Variants in MGAT4C observed in about 807,000 individuals in gnomAD.
MGAT4C encodes the protein alpha-1,3-mannosyl-glycoprotein 4-beta-N-acetylglucosaminyltransferase C.
A neutral mutation model predicts 40.1 loss-of-function variants in MGAT4C; 19 were observed. That is an observed-to-expected ratio of 0.47 (90% CI 0.33 to 0.70). The LOEUF (loss-of-function observed/expected upper bound fraction) is 0.70. Among genes scored for constraint, MGAT4C ranks in the 30% least tolerant of loss-of-function variants. The pLI, the probability that MGAT4C is intolerant of heterozygous loss-of-function variation, is 0.02. For synonymous variants in MGAT4C, 181 were observed against 187.1 expected (o/e 0.97, Z 0.27); for missense variants, 491 against 563.2 (o/e 0.87, Z 1.30).
intron 2 of MGAT4C, among the ~76,000 whole-genome samples, chr12:86,650,233 A>G (rs1593079425): frequency 6.6e-6 from 1 of 151,938 alleles, no homozygotes; most frequent in African/African-American, 2.4e-5. Flanking sequence ...TACAACAAAG[A>G]GTTACATCAG....
chr12:86,702,449 G>A (rs547579103), intron 2 of MGAT4C, among the ~76,000 whole-genome samples: 2 of 152,246 alleles, frequency 1.3e-5, no homozygotes, highest in African/African-American at 4.8e-5. Flanking sequence ...AAGCTTCAAA[G>A]GACAGGCTGG....
chr12:86,724,859 C>G (rs960431018), intron 2 of MGAT4C, among the ~76,000 whole-genome samples: 34 of 152,178 alleles, frequency 2.2e-4, no homozygotes, highest in African/African-American at 8.0e-4. Flanking sequence ...AACCACCATT[C>G]TACTCTGTAC....
rs979411321 is a variant in MGAT4C at position 85,972,707 on chromosome 12, A to ATGAT, written c.*6578_*6581dup. 1 of 151,056 alleles carries ATGAT rather than the reference A, an allele frequency of 6.6e-6. No homozygotes were observed. Among genetic ancestry groups the ATGAT allele is most frequent in the African/African-American group, 2.4e-5 (1 of 41,316 alleles). The allele number at this position is 151,056 out of a possible 1,614,324, so 9.4% of individuals were successfully genotyped here. On this transcript the variant is annotated 3_prime_UTR_variant, in exon 5 of 5. Coordinates refer to ENST00000611864, the MANE Select transcript of MGAT4C (RefSeq NM_001351288.2). ...GGATTACATTAAAGGATGGACAATT[A>ATGAT]TGATAAAGGATCTGAGATAATTGGA...
At chr12:86,070,134 T>C (rs1199723767) in intron 1 of MGAT4C, among the ~76,000 whole-genome samples, 1 of 151,796 alleles carries the variant, frequency 6.6e-6, no homozygotes, top group African/African-American at 2.4e-5. Flanking sequence ...TCCTAAATAT[T>C]CCCATGGTTC....
chr12:86,426,319 T>A (rs1484118239), intron 3 of MGAT4C, among the ~76,000 whole-genome samples: 1 of 152,218 alleles, frequency 6.6e-6, no homozygotes, highest in African/African-American at 2.4e-5. Context: ...TTTTCTGCAT[T>A]ATTACTAGAT....
intron 1 of MGAT4C, among the ~76,000 whole-genome samples, chr12:86,214,932 A>G (rs1950609354): frequency 6.6e-6 from 1 of 152,216 alleles, no homozygotes; most frequent in Non-Finnish European, 1.5e-5. Context: ...CTAAAGTTAC[A>G]TTGCATCATA....
intron 2 of MGAT4C, among the ~76,000 whole-genome samples, chr12:86,476,305 C>G (rs1239610204): frequency 6.6e-6 from 1 of 151,998 alleles, no homozygotes; most frequent in African/African-American, 2.4e-5. Context: ...GAAAAGAAGA[C>G]ATACAAGTGG....
intron 1 of MGAT4C, among the ~76,000 whole-genome samples, chr12:86,234,056 T>C (rs1047882793): frequency 2.0e-5 from 3 of 152,158 alleles, no homozygotes; most frequent in Admixed American, 6.5e-5. Flanking sequence ...GCTATCATAG[T>C]AGCAATAGTA....
At position 86,798,331 on chromosome 12, in the gene MGAT4C, G is replaced by C. The variant is rs150523363; in HGVS notation, c.-262+40335C>G. Among the ~76,000 whole-genome samples the C allele has an allele frequency of 2.2e-3, 335 of 151,942 alleles. 5 individuals are homozygous for C. Among genetic ancestry groups the C allele is most frequent in the African/African-American group, 7.7e-3 (321 of 41,492 alleles). On this transcript the variant is annotated intron_variant, in intron 1 of 7. Transcript: ENST00000548651. The stretch of plus-strand genomic sequence containing the variant: ...TAGTTTGTTTTGTCTCCTCTGCCAG[G>C]AATGTTCTTCCCATCTTCCTCTTTA...
At chr12:86,523,908 C>T (rs917215085) in intron 2 of MGAT4C, among the ~76,000 whole-genome samples, 1 of 152,018 alleles carries the variant, frequency 6.6e-6, no homozygotes, top group Non-Finnish European at 1.5e-5. Context: ...GGGTGGCAAT[C>T]CCTGCTTTCT....
rs746398787 is a variant in MGAT4C, at chr12:85,979,551, AT to A, written c.1174del (p.Ile392LeufsTer3). On this transcript the variant is annotated frameshift_variant, in exon 5 of 5. Transcript: ENST00000611864. LOFTEE classifies it high-confidence loss of function. ...VFENPIIIKKIKVNTGTEDRQ... is the reference protein window; with the variant it reads ...VFENPIIIKKXKVNTGTEDRQ... ...ATCTTCTGTTCCAGTATTTACTTTA[AT>A]TTTTTTTATTATAATTGGATTTTCA... is the stretch of plus-strand genomic sequence containing the variant. 47 of 1,609,096 alleles carry A rather than the reference AT, an allele frequency of 2.9e-5. No homozygotes were observed. Among genetic ancestry groups the A allele is most frequent in the Non-Finnish European group, 3.5e-5 (41 of 1,178,038 alleles).
At chr12:86,645,864 T>A (rs1312694218) in intron 2 of MGAT4C, among the ~76,000 whole-genome samples, 2 of 151,824 alleles carry the variant, frequency 1.3e-5, no homozygotes, top group East Asian at 3.9e-4. Context: ...GTAATGCCTA[T>A]GCTTAACATG....
At chr12:86,559,804 G>T (rs569884700) in intron 2 of MGAT4C, among the ~76,000 whole-genome samples, 32 of 151,930 alleles carry the variant, frequency 2.1e-4, no homozygotes, top group African/African-American at 7.7e-4. Context: ...AAATATCAGA[G>T]CAAAACTAAA....
rs1892715728 is a variant in MGAT4C at position 86,049,683 on chromosome 12, G to C, written c.-16C>G. On this transcript the variant is annotated 5_prime_UTR_variant, in exon 2 of 5. Transcript: ENST00000611864. ...TGACATAGAATCTCACCTTAAGAAA[G>C]ACGCTGTCATAATCTGTGCTGTACA... The C allele has an allele frequency of 1.0e-6, 1 of 983,830 alleles. No homozygotes were observed. The highest frequency in any genetic ancestry group is 1.2e-6 in the Non-Finnish European group (1 of 828,386). 60.9% of individuals were successfully genotyped at this position (983,830 alleles called of 1,614,324 possible).
At chr12:86,595,643 G>T (rs1436031757) in intron 2 of MGAT4C, among the ~76,000 whole-genome samples, 1 of 151,734 alleles carries the variant, frequency 6.6e-6, no homozygotes, top group Non-Finnish European at 1.5e-5. Flanking sequence ...TTACATCCTT[G>T]TAACTTACTG....
At chr12:86,798,451 A>G (rs1261184739) in intron 1 of MGAT4C, among the ~76,000 whole-genome samples, 1 of 151,842 alleles carries the variant, frequency 6.6e-6, no homozygotes, top group African/African-American at 2.4e-5. Flanking sequence ...CACATGCACA[A>G]CTGTATAAAC....
At chr12:86,012,778 A>AACAACCACCACCACCACCACCACC (rs1308194133) in intron 2 of MGAT4C, among the ~76,000 whole-genome samples, 1 of 136,350 alleles carries the variant, frequency 7.3e-6, no homozygotes, top group Non-Finnish European at 1.6e-5. Context: ...CAACAACAAC[A>AACAACCACCACCACCACCACCACC]ACCACCACCA....
intron 2 of MGAT4C, among the ~76,000 whole-genome samples, chr12:86,493,440 A>T (rs111995984): frequency 6.6e-6 from 1 of 152,278 alleles, no homozygotes; most frequent in Non-Finnish European, 1.5e-5. Flanking sequence ...AATGTGGCAC[A>T]TATACACCAT....
intron 1 of MGAT4C, among the ~76,000 whole-genome samples, chr12:86,732,672 T>TA (rs902784259): frequency 1.8e-4 from 28 of 152,076 alleles, no homozygotes; most frequent in African/African-American, 6.8e-4. Flanking sequence ...GGAGCAGCTG[T>TA]AAATACAGAT....
Sources: allele counts gnomAD v4.1 joint callset (sites outside exome capture counted in the v4.1 genomes callset), GRCh38; gene constraint gnomAD v4.1.1; transcripts MANE v1.5; gene names NCBI Gene and HGNC (gene_info 2026-07-23, HGNC 2026-07-21).